Variants in AMPH observed in about 807,000 individuals in gnomAD.
The protein encoded by AMPH is amphiphysin, also known as amphiphysin (Stiff-Mann syndrome with breast cancer 128kD autoantigen).
AMPH carries 49 observed loss-of-function variants against 99.1 expected under a neutral mutation model. That is an observed-to-expected ratio of 0.49 (90% CI 0.39 to 0.63). AMPH has a LOEUF of 0.63. Among genes scored for constraint, AMPH ranks in the 20% least tolerant of loss-of-function variants. The pLI is 0.00. For missense variants in AMPH, 759 were observed against 863.4 expected (o/e 0.88, Z 1.52); for synonymous variants, 314 against 317.3 (o/e 0.99, Z 0.11).
chr7:38,566,831 A>G (rs1350080730), intron 1 of AMPH, among the ~76,000 whole-genome samples: 1 of 152,228 alleles, frequency 6.6e-6, no homozygotes. Flanking sequence ...AATCAAAACC[A>G]CAATGAGATA....
chr7:38,534,246 C>T (rs1316784858), intron 2 of AMPH, among the ~76,000 whole-genome samples: 1 of 151,972 alleles, frequency 6.6e-6, no homozygotes, highest in African/African-American at 2.4e-5. Context: ...ATCCCTGTTG[C>T]GAATGCATGC....
In AMPH at chr7:38,534,187, T is replaced by C. The variant is rs754525507; in HGVS notation, c.150+744A>G. ...GCTTTATACACTAAAAAGGTTTTCT[T>C]CACCCACCAAGAACCAATTTTCAGC... On this transcript the variant is annotated intron_variant, in intron 2 of 20. Transcript: ENST00000356264. Among the ~76,000 whole-genome samples the C allele has an allele frequency of 2.8e-4, 43 of 152,160 alleles. 1 individual carries two copies. Among genetic ancestry groups the C allele is most frequent in the Non-Finnish European group, 1.9e-4 (13 of 68,034 alleles).
intron 19 of AMPH, among the ~76,000 whole-genome samples, chr7:38,390,961 C>CAGAGAGAGAGAGAGAGAG (rs199667568): frequency 7.7e-6 from 1 of 129,204 alleles, no homozygotes; most frequent in Non-Finnish European, 1.7e-5. Context: ...GAGACAAAGA[C>CAGAGAGAGAGAGAGAGAG]AGAGAGAGAG....
intron 18 of AMPH, among the ~76,000 whole-genome samples, chr7:38,392,871 C>G (rs563977285): frequency 6.6e-6 from 1 of 152,342 alleles, no homozygotes; most frequent in South Asian, 2.1e-4. Flanking sequence ...GATTATCATT[C>G]CAGCCCCACA....
At chr7:38,492,745 A>T (rs113645282) in intron 4 of AMPH, among the ~76,000 whole-genome samples, 10 of 152,298 alleles carry the variant, frequency 6.6e-5, no homozygotes, top group African/African-American at 2.4e-4. Flanking sequence ...GATAACAGTC[A>T]TTTCCTTTAA....
In AMPH at chr7:38,438,626, G is replaced by A. The variant is rs555248307; in HGVS notation, c.1018-2238C>T. 2.6e-5 allele frequency among the ~76,000 whole-genome samples: 4 copies of A among 152,164 alleles called. 1 individual carries two copies. The South Asian group carries it at 8.3e-4, about 32-fold the overall frequency. On this transcript the variant is annotated intron_variant, in intron 11 of 20. Coordinates refer to ENST00000356264, the MANE Select transcript of AMPH (RefSeq NM_001635.4). Reference sequence around the variant, plus strand: ...GAAGCTCAAATGGGAATTTAGAGATGAAGGATGAAATGAGGCATCAGACTA... The same window carrying A: ...GAAGCTCAAATGGGAATTTAGAGATAAAGGATGAAATGAGGCATCAGACTA...
rs1483893545 is a variant in AMPH at position 38,523,093 on chromosome 7, A to G, written c.150+11838T>C. Among the ~76,000 whole-genome samples the G allele has an allele frequency of 2.0e-4, 29 of 147,146 alleles. No individual in the cohort carries two copies. In the East Asian group the frequency reaches 5.8e-3, roughly 29 times the overall value. ...TCTGCACTCCAGCCTGGGCAACAAGAGTGAAACTCTGTCTAAAAAAAAAAA... is the reference window on the plus strand; with the variant it reads ...TCTGCACTCCAGCCTGGGCAACAAGGGTGAAACTCTGTCTAAAAAAAAAAA... On this transcript the variant is annotated intron_variant, in intron 2 of 20. Coordinates refer to ENST00000356264, the MANE Select transcript of AMPH (RefSeq NM_001635.4).
chr7:38,425,470 C>G (rs1001107892), intron 15 of AMPH, among the ~76,000 whole-genome samples: 15 of 152,112 alleles, frequency 9.9e-5, no homozygotes, highest in Admixed American at 9.2e-4. Context: ...TAAATTAGAC[C>G]CACAATTTTT....
At position 38,432,557 on chromosome 7, in the gene AMPH, A is replaced by G. The variant is rs552265711; in HGVS notation, c.1135-345T>C. Among the ~76,000 whole-genome samples the G allele has an allele frequency of 2.6e-5, 4 of 151,690 alleles. 1 individual carries two copies. In the South Asian group the frequency reaches 6.3e-4, roughly 24 times the overall value. The stretch of plus-strand genomic sequence containing the variant: ...ACTTTCACTATGTGAGTAGAAAACT[A>G]TATTTGAAACACAAATGAGGTTATT... On this transcript the variant is annotated intron_variant, in intron 12 of 20. Coordinates refer to ENST00000356264, the MANE Select transcript of AMPH (RefSeq NM_001635.4).
intron 1 of AMPH, among the ~76,000 whole-genome samples, chr7:38,573,117 G>C (rs749798690): frequency 1.4e-4 from 22 of 152,112 alleles, no homozygotes; most frequent in Non-Finnish European, 2.6e-4. Flanking sequence ...ATTTTCTGCT[G>C]TTGTCAATAT....
intron 5 of AMPH, among the ~76,000 whole-genome samples, chr7:38,481,403 TAA>T (rs1413290736): frequency 6.6e-6 from 1 of 152,202 alleles, no homozygotes; most frequent in South Asian, 2.1e-4. Flanking sequence ...AGTTAAAAAA[TAA>T]GTTATTATAC....
In AMPH at chr7:38,424,668, A is replaced by G. The variant is rs560276953; in HGVS notation, c.1216-2191T>C. ...GGAAAAAAAAAGATAAAGCCATGAAATATTTTTTTAAAATTCTCCCAAACC... is the reference window on the plus strand; with the variant it reads ...GGAAAAAAAAAGATAAAGCCATGAAGTATTTTTTTAAAATTCTCCCAAACC... On this transcript the variant is annotated intron_variant, in intron 15 of 20. Coordinates refer to ENST00000356264, the MANE Select transcript of AMPH (RefSeq NM_001635.4). 6.6e-5 allele frequency among the ~76,000 whole-genome samples: 10 copies of G among 152,278 alleles called. No individual in the cohort carries two copies. In the South Asian group the frequency reaches 2.1e-3, roughly 32 times the overall value.
At chr7:38,443,823 T>C (rs1786650085) in intron 11 of AMPH, among the ~76,000 whole-genome samples, 1 of 152,064 alleles carries the variant, frequency 6.6e-6, no homozygotes, top group Non-Finnish European at 1.5e-5. Flanking sequence ...CTCAATATTA[T>C]TCTGGTGGTA....
chr7:38,593,820 CG>C (rs892448978), intron 1 of AMPH, among the ~76,000 whole-genome samples: 5 of 152,108 alleles, frequency 3.3e-5, no homozygotes, highest in Non-Finnish European at 7.4e-5. Context: ...ACACATAGTG[CG>C]TGAGATGATA....
In AMPH at chr7:38,620,821, T is replaced by A. The variant is rs529667549; in HGVS notation, c.69+10462A>T. ...AAAAGGATTTTGGATGACAGATAGT[T>A]CAGAGGGCAAGTCAGCTCTGAACCA... On this transcript the variant is annotated intron_variant, in intron 1 of 20. Coordinates refer to ENST00000356264, the MANE Select transcript of AMPH (RefSeq NM_001635.4). Among the ~76,000 whole-genome samples, 6 of 152,230 alleles carry A rather than the reference T, an allele frequency of 3.9e-5. No homozygotes were observed. In the South Asian group the frequency reaches 6.2e-4, roughly 16 times the overall value.
chr7:38,428,350 C>G (rs1052787963), intron 14 of AMPH: 5 of 456,612 alleles, frequency 1.1e-5, no homozygotes, highest in African/African-American at 8.0e-5. Context: ...CTTTCAGACC[C>G]TTCTATTAGT....
At chr7:38,590,915 C>T (rs1190326793) in intron 1 of AMPH, among the ~76,000 whole-genome samples, 2 of 152,138 alleles carry the variant, frequency 1.3e-5, no homozygotes, top group Non-Finnish European at 2.9e-5. Context: ...AAATGTCCCA[C>T]CTCGAAGGTA....
intron 1 of AMPH, among the ~76,000 whole-genome samples, chr7:38,568,248 G>A (rs543396186): frequency 2.0e-5 from 3 of 152,224 alleles, no homozygotes; most frequent in South Asian, 2.1e-4. Flanking sequence ...GGCGGATCAC[G>A]AGGTCAGGAG....
At chr7:38,628,815 C>T (rs1447887250) in intron 1 of AMPH, among the ~76,000 whole-genome samples, 1 of 152,134 alleles carries the variant, frequency 6.6e-6, no homozygotes, top group Non-Finnish European at 1.5e-5. Context: ...CTGACTAATA[C>T]ATTTCAGCCT....
Sources: allele counts gnomAD v4.1 joint callset (sites outside exome capture counted in the v4.1 genomes callset), GRCh38; gene constraint gnomAD v4.1.1; transcripts MANE v1.5; gene names NCBI Gene and HGNC (gene_info 2026-07-23, HGNC 2026-07-21).